ARHGAP20: variants seen among roughly 807,000 people sequenced by gnomAD.
ARHGAP20 encodes Rho GTPase activating protein 20.
In ARHGAP20, 34 loss-of-function variants were observed where a neutral mutation model predicts 73.7. The ratio of observed to expected loss-of-function variants is 0.46; its 90% CI spans 0.35 to 0.61. The LOEUF is 0.61. Among genes scored for constraint, ARHGAP20 ranks in the 20% least tolerant of loss-of-function variants. The pLI is 0.00. For synonymous variants in ARHGAP20, 523 were observed against 518.2 expected (o/e 1.01, Z -0.13); for missense variants, 1,314 against 1,420.9 (o/e 0.92, Z 1.21).
intron 3 of ARHGAP20, among the ~76,000 whole-genome samples, chr11:110,625,249 G>A (rs1281859198): frequency 1.3e-5 from 2 of 151,280 alleles, no homozygotes; most frequent in Non-Finnish European, 2.9e-5. Context: ...TTGTTAGCCA[G>A]GATGGTCTCG....
At chr11:110,581,301 T>TATGGTG in intron 14 of ARHGAP20, 76 bp from the exon 15 acceptor site, 1 of 1,403,458 alleles carries the variant, frequency 7.1e-7, no homozygotes, top group Non-Finnish European at 9.5e-7. Flanking sequence ...GAACAAATTC[T>TATGGTG]CTTTTCATGT....
chr11:110,712,302 AG>A lies in ARHGAP20; in HGVS notation c.-72del. The A allele has an allele frequency of 8.3e-7, 1 of 1,207,688 alleles. No individual in the cohort carries two copies. Among genetic ancestry groups the A allele is most frequent in the South Asian group, 3.4e-5 (1 of 29,224 alleles). The allele number at this position is 1,207,688 out of a possible 1,614,324, so 74.8% of individuals were successfully genotyped here. On this transcript the variant is annotated 5_prime_UTR_variant, in exon 1 of 15. Transcript: ENST00000683387. ...ATCATGTCCGCGGGCTGCCGGCCGG[AG>A]GGGCGAGGACGCGCGGGCGGAGGCG...
chr11:110,593,589 G>A (rs751531222), intron 9 of ARHGAP20, among the ~76,000 whole-genome samples: 16 of 152,190 alleles, frequency 1.1e-4, no homozygotes, highest in African/African-American at 3.1e-4. Flanking sequence ...GCAGGCCCCC[G>A]GGTAATGGGG....
At chr11:110,711,379 C>T (rs1950650888) in intron 1 of ARHGAP20, among the ~76,000 whole-genome samples, 1 of 152,018 alleles carries the variant, frequency 6.6e-6, no homozygotes. Context: ...GAAGGTCCCC[C>T]ACCTCAGCCC....
intron 1 of ARHGAP20, among the ~76,000 whole-genome samples, chr11:110,695,369 C>G (rs935203809): frequency 6.6e-6 from 1 of 151,568 alleles, no homozygotes; most frequent in Middle Eastern, 3.4e-3. Flanking sequence ...TTCCATGCTT[C>G]AAAAGACACC....
At chr11:110,660,063 A>AAAAAAAAAAAAAAAAAAAAAAAC (rs1949569661) in intron 2 of ARHGAP20, among the ~76,000 whole-genome samples, 1 of 123,320 alleles carries the variant, frequency 8.1e-6, no homozygotes, top group African/African-American at 3.7e-5. Context: ...ATAAAAAACA[A>AAAAAAAAAAAAAAAAAAAAAAAC]AAAAAAAAAA....
Position 110,581,080 on chromosome 11 carries a change from G to T in ARHGAP20, c.1866C>A (p.Asp622Glu), listed in dbSNP as rs1242064852. 1.2e-6 allele frequency: 2 copies of T among 1,614,108 alleles called. No individual in the cohort carries two copies. Among genetic ancestry groups the T allele is most frequent in the African/African-American group, 1.3e-5 (1 of 74,928 alleles). ...RSMDSVLTLS[D>E]YDLDQPEVEG... ...CCACCTCGGGCTGGTCAAGATCATA[G>T]TCACTGAGGGTTAAGACAGAGTCCA... The change falls in exon 15 of 15, where the codon GAC (aspartate) becomes GAA (glutamate). Residue 622 changes from aspartate to glutamate, a missense_variant. By Grantham distance (45) the Asp-to-Glu change is conservative (BLOSUM62 2). Transcript: ENST00000683387.
chr11:110,591,296 A>C (rs1242472681), intron 10 of ARHGAP20, among the ~76,000 whole-genome samples: 1 of 152,204 alleles, frequency 6.6e-6, no homozygotes, highest in Non-Finnish European at 1.5e-5. Context: ...CTGAGGCTTT[A>C]AAACAATTTG....
At chr11:110,633,221 C>T (rs1948894310) in intron 2 of ARHGAP20, among the ~76,000 whole-genome samples, 1 of 152,150 alleles carries the variant, frequency 6.6e-6, no homozygotes, top group Non-Finnish European at 1.5e-5. Flanking sequence ...ACCATTTACA[C>T]CAAAGACTTG....
At chr11:110,630,923 A>G in intron 2 of ARHGAP20, 131 bp from the exon 3 acceptor site, 1 of 816,416 alleles carries the variant, frequency 1.2e-6, no homozygotes, top group East Asian at 2.6e-5. Context: ...TTCACCACAC[A>G]GTAGTCTTTA....
At chr11:110,691,624 A>G (rs1207006389) in intron 1 of ARHGAP20, among the ~76,000 whole-genome samples, 1 of 152,228 alleles carries the variant, frequency 6.6e-6, no homozygotes, top group Non-Finnish European at 1.5e-5. Flanking sequence ...AAAGTAAAAC[A>G]ATGATCTTAG....
chr11:110,684,266 T>A (rs570445506), intron 2 of ARHGAP20, among the ~76,000 whole-genome samples: 1 of 152,256 alleles, frequency 6.6e-6, no homozygotes, highest in African/African-American at 2.4e-5. Flanking sequence ...TATACAGAAG[T>A]CTTGTTTTTG....
intron 4 of ARHGAP20, among the ~76,000 whole-genome samples, chr11:110,619,389 A>G (rs984493791): frequency 2.5e-4 from 37 of 149,250 alleles, no homozygotes; most frequent in Admixed American, 2.0e-4. Context: ...ATATGCAGTG[A>G]TAGAGTATAT....
intron 1 of ARHGAP20, among the ~76,000 whole-genome samples, chr11:110,701,965 A>G (rs1950461839): frequency 6.6e-6 from 1 of 152,164 alleles, no homozygotes; most frequent in African/African-American, 2.4e-5. Flanking sequence ...TACCAGTACC[A>G]TGCTGTTTTG....
chr11:110,641,271 C>T (rs1949072032), intron 2 of ARHGAP20, among the ~76,000 whole-genome samples: 1 of 152,000 alleles, frequency 6.6e-6, no homozygotes, highest in Non-Finnish European at 1.5e-5. Flanking sequence ...GAGAAGGACA[C>T]TAATACACAG....
At position 110,583,650 on chromosome 11, in the gene ARHGAP20, G is replaced by A; in HGVS notation, c.1503C>T (p.Ser501=). 6.2e-7 allele frequency: 1 copy of A among 1,613,020 alleles called. No homozygotes were observed. The highest frequency in any genetic ancestry group is 1.3e-5 in the African/African-American group (1 of 74,988). The part of the protein sequence containing the change: ...VLHNIEQHSS[S]NQMTAFNLAV... ...CTAAATTAAATGCAGTCATCTGATT[G>A]GATGAGGAATGTTGCTCAATGTTGT... The change falls in exon 13 of 15, where the codon TCC becomes TCT. Residue 501 remains serine (S), a synonymous_variant. Transcript: ENST00000683387.
At chr11:110,592,729 T>A (rs1366405585) in intron 9 of ARHGAP20, among the ~76,000 whole-genome samples, 1 of 152,136 alleles carries the variant, frequency 6.6e-6, no homozygotes, top group Non-Finnish European at 1.5e-5. Flanking sequence ...TCTGTTAAGA[T>A]GTTCGTTAGA....
At chr11:110,596,426 G>A (rs7396843) in intron 9 of ARHGAP20, among the ~76,000 whole-genome samples, 77,329 of 147,312 alleles carry the variant, frequency 0.52, 22,549 homozygotes, top group African/African-American at 0.79. Flanking sequence ...AGAATCTACA[G>A]TGAACTCAAA....
chr11:110,708,815 C>G (rs1360785853), intron 1 of ARHGAP20, among the ~76,000 whole-genome samples: 1 of 152,084 alleles, frequency 6.6e-6, no homozygotes, highest in African/African-American at 2.4e-5. Flanking sequence ...GATGTTTTCA[C>G]AAGCGTATAT....
Sources: allele counts gnomAD v4.1 joint callset (sites outside exome capture counted in the v4.1 genomes callset), GRCh38; gene constraint gnomAD v4.1.1; transcripts MANE v1.5; gene names NCBI Gene and HGNC (gene_info 2026-07-23, HGNC 2026-07-21).